The following LGI2 variants were observed in gnomAD, a reference collection of about 807,000 sequenced individuals.
The protein encoded by LGI2 is leucine-rich repeat LGI family member 2.
Under a neutral mutation model 52.0 loss-of-function variants are expected in LGI2, and 30 were observed. The ratio of observed to expected loss-of-function variants is 0.58; its 90% CI spans 0.43 to 0.78. LGI2 has a LOEUF of 0.78. LGI2 is among the 30% of genes least tolerant of loss of function. The pLI is 0.00. For missense variants in LGI2, 573 were observed against 692.5 expected (o/e 0.83, Z 1.94); for synonymous variants, 270 against 271.8 (o/e 0.99, Z 0.06).
chr4:25,008,095 T>A (rs138299146), intron 7 of LGI2, among the ~76,000 whole-genome samples: 1 of 152,234 alleles, frequency 6.6e-6, no homozygotes, highest in Non-Finnish European at 1.5e-5. Flanking sequence ...CATGAAGTGA[T>A]CCCCCTTCCT....
At chr4:24,997,041 C>T (rs1725102552), downstream of LGI2, among the ~76,000 whole-genome samples, 1 of 152,250 alleles carries the variant, frequency 6.6e-6, no homozygotes, top group Middle Eastern at 3.4e-3. Flanking sequence ...TCACATTCCA[C>T]AAGAGGCTGC....
In LGI2 at chr4:25,003,978, A is replaced by T. The variant is rs1471499116; in HGVS notation, c.1111T>A (p.Phe371Ile). The T allele has an allele frequency of 6.2e-7, 1 of 1,614,032 alleles. No homozygotes were observed. Among genetic ancestry groups the T allele is most frequent in the Non-Finnish European group, 8.5e-7 (1 of 1,180,026 alleles). ...FYSYQSLHEWFRDTDAEFVDI... is the reference protein window; with the variant it reads ...FYSYQSLHEWIRDTDAEFVDI... Reference sequence around the variant, plus strand: ...ACAAACTCCGCATCCGTGTCCCTGAACCACTCGTGCAGTGACTGGTAAGAA... The same window carrying T: ...ACAAACTCCGCATCCGTGTCCCTGATCCACTCGTGCAGTGACTGGTAAGAA... The change falls in exon 8 of 8, where the codon TTC (phenylalanine) becomes ATC (isoleucine). Residue 371 changes from phenylalanine (F) to isoleucine (I), a missense_variant. By Grantham distance (21) the Phe-to-Ile change is conservative. Transcript: ENST00000382114.
At position 25,008,899 on chromosome 4, in the gene LGI2, G is replaced by A. The variant is rs563273065; in HGVS notation, c.820+3436C>T. Reference sequence around the variant, plus strand: ...AAGGTCCAGCAGGGCTCTGGCCCCAGCCACACCCACTCGGATCGCACTGAC... The same window carrying A: ...AAGGTCCAGCAGGGCTCTGGCCCCAACCACACCCACTCGGATCGCACTGAC... On this transcript the variant is annotated intron_variant, in intron 7 of 7. Transcript: ENST00000382114. Among the ~76,000 whole-genome samples the A allele has an allele frequency of 1.3e-4, 20 of 152,340 alleles. No homozygotes were observed. In the South Asian group the frequency reaches 3.9e-3, roughly 30 times the overall value.
chr4:25,018,235 C>T, intron 5 of LGI2, 77 bp from the exon 6 acceptor site: 1 of 1,053,842 alleles, frequency 9.5e-7, no homozygotes, highest in Non-Finnish European at 1.3e-6. Flanking sequence ...TAACACGAAA[C>T]TCCAGAATTA....
chr4:25,017,068 C>G (rs1460327479), intron 6 of LGI2, among the ~76,000 whole-genome samples: 3 of 152,208 alleles, frequency 2.0e-5, no homozygotes, highest in African/African-American at 7.2e-5. Context: ...AATGTATAAA[C>G]TGAAAGTTTG....
chr4:25,003,674 A>C lies in LGI2; in HGVS notation c.1415T>G (p.Phe472Cys). 1.9e-6 allele frequency: 3 copies of C among 1,614,216 alleles called. No individual in the cohort carries two copies. Among genetic ancestry groups the C allele is most frequent in the Non-Finnish European group, 2.5e-6 (3 of 1,180,042 alleles). Residue 472 changes from phenylalanine (F) to cysteine (C), a missense_variant, in exon 8 of 8, where the codon TTT (phenylalanine) becomes TGT (cysteine). Transcript: ENST00000382114. ...CAGGGCCAGGTAGTGATTATCTTTA[A>C]AAGAAAAGGGCTGCAGGGTCATGGC... is the stretch of plus-strand genomic sequence containing the variant. ...RGAMTLQPFS[F>C]KDNHYLALGS...
chr4:24,997,138 G>A (rs147297793), downstream of LGI2, among the ~76,000 whole-genome samples: 1 of 152,336 alleles, frequency 6.6e-6, no homozygotes, highest in African/African-American at 2.4e-5. Flanking sequence ...AATCATTTGT[G>A]CCAATTAGAC....
downstream of LGI2, among the ~76,000 whole-genome samples, chr4:24,998,383 C>A (rs1577540167): frequency 6.6e-6 from 1 of 152,162 alleles, no homozygotes; most frequent in Non-Finnish European, 1.5e-5. Context: ...ATTTGTCCAA[C>A]AAAACCAGAT....
In LGI2 at chr4:25,000,705, G is replaced by A. The variant is rs769551162; in HGVS notation, c.*2746C>T. 4.6e-5 allele frequency: 7 copies of A among 152,264 alleles called. No individual in the cohort carries two copies. The highest frequency in any genetic ancestry group is 3.2e-3 in the Middle Eastern group (1 of 316). The allele number at this position is 152,264 out of a possible 1,614,324, so 9.4% of individuals were successfully genotyped here. On this transcript the variant is annotated 3_prime_UTR_variant, in exon 8 of 8. Transcript: ENST00000382114. The stretch of plus-strand genomic sequence containing the variant: ...TAAGCTGAGCAGACGACCACCCAGT[G>A]GGTGATGGGAGGGAAAGTAGAAGAA...
At chr4:25,019,841 A>T (rs1169607444) in intron 4 of LGI2, among the ~76,000 whole-genome samples, 1 of 152,188 alleles carries the variant, frequency 6.6e-6, no homozygotes, top group Non-Finnish European at 1.5e-5. Flanking sequence ...TATTTTAATT[A>T]ACTATTTGTT....
At position 25,002,044 on chromosome 4, in the gene LGI2, A is replaced by C. The variant is rs1560285849; in HGVS notation, c.*1407T>G. On this transcript the variant is annotated 3_prime_UTR_variant, in exon 8 of 8. Transcript: ENST00000382114. ...GGAACATCCACTAAGAATCTTCCAC[A>C]TAACCAGACCCCAGGAGCTTGCCTA... The C allele has an allele frequency of 6.6e-6, 1 of 152,314 alleles. No homozygotes were observed. The highest frequency in any genetic ancestry group is 1.5e-5 in the Non-Finnish European group (1 of 68,106). The allele number at this position is 152,314 out of a possible 1,614,324, so 9.4% of individuals were successfully genotyped here. A position where few individuals can be genotyped will look rare whatever the true frequency, so the allele number is the denominator to read the frequency against.
the LGI2 span, among the ~76,000 whole-genome samples, chr4:24,993,245 G>A: frequency 6.6e-6 from 1 of 152,152 alleles, no homozygotes; most frequent in Admixed American, 6.5e-5. Context: ...CAAACTTGAG[G>A]GAGTTGCCTA....
intron 4 of LGI2, among the ~76,000 whole-genome samples, chr4:25,021,194 T>A (rs7670617): frequency 6.6e-6 from 1 of 151,886 alleles, no homozygotes; most frequent in African/African-American, 2.4e-5. Context: ...GGATTATTTA[T>A]CCCACTCACA....
intron 6 of LGI2, among the ~76,000 whole-genome samples, chr4:25,014,948 C>G (rs1387010961): frequency 1.3e-5 from 2 of 151,892 alleles, no homozygotes; most frequent in Non-Finnish European, 2.9e-5. Flanking sequence ...CTTCTCCCAC[C>G]CCCAATTAAA....
intron 1 of LGI2, 75 bp from the exon 2 acceptor site, chr4:25,028,653 C>G (rs915501681): frequency 2.5e-6 from 3 of 1,211,204 alleles, no homozygotes; most frequent in Non-Finnish European, 3.6e-6. Context: ...TAATCAAACT[C>G]TGCCTCCACC....
At chr4:25,030,398 G>T in intron 1 of LGI2, 99 bp downstream of exon 1, 2 of 1,313,728 alleles carry the variant, frequency 1.5e-6, no homozygotes, top group South Asian at 2.6e-5. Flanking sequence ...CTGGGGAGTG[G>T]GTCAGGGTCG....
Position 24,999,819 on chromosome 4 carries a change from C to T in LGI2, c.*3632G>A, listed in dbSNP as rs772896824. ...AACTCTGCCATTTCCAGTGTGCTTC[C>T]TGAAGGCTGATGACGGCCGAGAGCA... On this transcript the variant is annotated 3_prime_UTR_variant, in exon 8 of 8. Transcript: ENST00000382114. 1.2e-4 allele frequency: 55 copies of T among 456,106 alleles called. No individual in the cohort carries two copies. Among genetic ancestry groups the T allele is most frequent in the South Asian group, 3.3e-4 (21 of 64,536 alleles). The allele number at this position is 456,106 out of a possible 1,614,324, so 28.3% of individuals were successfully genotyped here.
chr4:25,004,022 C>T lies in LGI2; in HGVS notation c.1067G>A (p.Trp356Ter). 1 of 1,614,164 alleles carries T rather than the reference C, an allele frequency of 6.2e-7. No homozygotes were observed. Among genetic ancestry groups the T allele is most frequent in the South Asian group, 1.1e-5 (1 of 91,078 alleles). Residue 356 changes from tryptophan to a stop codon, truncating the protein, a stop_gained, in exon 8 of 8, where the codon TGG becomes TAG. Transcript: ENST00000382114. LOFTEE classifies it high-confidence loss of function. The surrounding 1 kb of genome is among the most constrained non-coding windows in gnomAD (Gnocchi z 4.6). ...SKAGLSTVYK[W>*]NSKGFYSYQS... Reference sequence around the variant, plus strand: ...GTAAGAATAGAATCCTTTGCTGTTCCATTTATAAACTGTGGACAGACCAGC... The same window carrying T: ...GTAAGAATAGAATCCTTTGCTGTTCTATTTATAAACTGTGGACAGACCAGC...
chr4:25,018,353 A>C (rs994209042), intron 5 of LGI2, among the ~76,000 whole-genome samples, 195 bp from the exon 6 acceptor site: 9 of 152,170 alleles, frequency 5.9e-5, no homozygotes, highest in African/African-American at 2.2e-4. Context: ...AATACTCCTC[A>C]GCACCTGGGA....
Sources: allele counts gnomAD v4.1 joint callset (sites outside exome capture counted in the v4.1 genomes callset), GRCh38; gene constraint gnomAD v4.1.1; non-coding constraint Gnocchi (gnomAD v3.1); transcripts MANE v1.5; gene names NCBI Gene and HGNC (gene_info 2026-07-23, HGNC 2026-07-21).